RYR2: variants seen among roughly 807,000 people sequenced by gnomAD.
RYR2 encodes the protein ryanodine receptor 2.
In RYR2, 227 loss-of-function variants were observed where a neutral mutation model predicts 601.1. That is an observed-to-expected ratio of 0.38 (90% CI 0.34 to 0.42). The LOEUF (loss-of-function observed/expected upper bound fraction) is 0.42. RYR2 is among the 10% of genes least tolerant of loss of function. The probability of loss-of-function intolerance (pLI) is 1.00; values close to 1 mark genes in which losing one functional copy is unlikely to be tolerated. For synonymous variants in RYR2, 2,223 were observed against 2,175.1 expected, an observed-to-expected ratio of 1.02 and a Z score of -0.61; for missense variants, 4,646 against 6,156.5, an observed-to-expected ratio of 0.75 and a Z score of 8.21.
chr1:237,407,126 G>A (rs1703978323), intron 10 of RYR2, among the ~76,000 whole-genome samples: 1 of 152,082 alleles, frequency 6.6e-6, no homozygotes, highest in Non-Finnish European at 1.5e-5. Flanking sequence ...TTAGCAATCT[G>A]CATATATGGC....
At chr1:237,649,816 C>T in intron 49 of RYR2, 61 bp from the exon 50 acceptor site, 2 of 1,403,828 alleles carry the variant, frequency 1.4e-6, no homozygotes, top group Non-Finnish European at 2.0e-6. Flanking sequence ...CCATGTTAAT[C>T]CCTTTGAAGA....
Position 237,236,073 on chromosome 1 carries a change from C to T in RYR2, c.49-34424C>T, listed in dbSNP as rs116619576. Among the ~76,000 whole-genome samples the T allele has an allele frequency of 5.9e-3, 891 of 152,252 alleles. 8 individuals carry two copies. The highest frequency in any genetic ancestry group is 0.021 in the African/African-American group (860 of 41,562). ...AGTACGCAATCGTCCATGTATTTTT[C>T]AAAACAACAGTAACAATAGCAAAAT... On this transcript the variant is annotated intron_variant, in intron 1 of 104. Coordinates refer to ENST00000366574, the MANE Select transcript of RYR2 (RefSeq NM_001035.3).
chr1:237,228,685 A>G (rs1684657894), intron 1 of RYR2, among the ~76,000 whole-genome samples: 1 of 152,168 alleles, frequency 6.6e-6, no homozygotes, highest in African/African-American at 2.4e-5. Flanking sequence ...TTCCTTCTGT[A>G]TGACCTTGAG....
At chr1:237,384,369 C>T (rs905791823) in intron 8 of RYR2, among the ~76,000 whole-genome samples, 5 of 152,198 alleles carry the variant, frequency 3.3e-5, no homozygotes, top group African/African-American at 1.2e-4. Context: ...TGTCTGTGGA[C>T]CTATCAGTCA....
At chr1:237,394,869 C>T (rs538531313) in intron 10 of RYR2, among the ~76,000 whole-genome samples, 1 of 152,282 alleles carries the variant, frequency 6.6e-6, no homozygotes, top group African/African-American at 2.4e-5. Context: ...TCTGCAGGCT[C>T]TATAGGCTGG....
chr1:237,705,423 A>C (rs914413989), intron 67 of RYR2, 80 bp downstream of exon 67: 48 of 1,175,056 alleles, frequency 4.1e-5, no homozygotes, highest in Non-Finnish European at 5.0e-5. Flanking sequence ...AGTGATTTTT[A>C]ATGAGCTCTT....
chr1:237,798,707 T>C (rs1307378360), intron 97 of RYR2, among the ~76,000 whole-genome samples: 1 of 152,050 alleles, frequency 6.6e-6, no homozygotes, highest in Non-Finnish European at 1.5e-5. Flanking sequence ...TGAAACACTC[T>C]TTATATACTG....
intron 18 of RYR2, 113 bp from the exon 19 acceptor site, chr1:237,492,841 A>G (rs1572574221): frequency 2.0e-6 from 2 of 1,020,658 alleles, no homozygotes; most frequent in Non-Finnish European, 2.7e-6. Flanking sequence ...GGAAGGAAGG[A>G]AGGAAGGAAG....
At chr1:237,185,725 T>C (rs584790) in intron 1 of RYR2, among the ~76,000 whole-genome samples, 91,436 of 151,902 alleles carry the variant, frequency 0.6, 27,611 homozygotes, top group Non-Finnish European at 0.63. Flanking sequence ...ATGGCATTGA[T>C]CAGTGCTGTG....
intron 101 of RYR2, among the ~76,000 whole-genome samples, chr1:237,827,108 T>G (rs555528780): frequency 2.0e-5 from 3 of 152,198 alleles, no homozygotes; most frequent in Non-Finnish European, 4.4e-5. Flanking sequence ...CAAATGACAC[T>G]ATTTTTTAGT....
intron 13 of RYR2, 37 bp downstream of exon 13, chr1:237,441,520 A>C: frequency 7.0e-7 from 1 of 1,433,954 alleles, no homozygotes; most frequent in Non-Finnish European, 9.2e-7. Context: ...TATAGAAGTA[A>C]TTTTTTATGA....
chr1:237,786,175 G>A lies in RYR2; in HGVS notation c.13328+139G>A, dbSNP rs546471429. The A allele has an allele frequency of 5.1e-4, 325 of 633,284 alleles. 5 individuals carry two copies. The South Asian group carries it at 6.1e-3, about 12-fold the overall frequency. The allele number at this position is 633,284 out of a possible 1,614,324, so 39.2% of individuals were successfully genotyped here. A position where few individuals can be genotyped will look rare whatever the true frequency, so the allele number is the denominator to read the frequency against. Reference sequence around the variant, plus strand: ...CAGAACTAATTGTGCCATCTCCGTGGAGAGGCTCTGACAGCGAGGACCTCA... The same window carrying A: ...CAGAACTAATTGTGCCATCTCCGTGAAGAGGCTCTGACAGCGAGGACCTCA... On this transcript the variant is annotated intron_variant, in intron 91 of 104. Transcript: ENST00000366574.
At chr1:237,134,882 G>A (rs893451370) in intron 1 of RYR2, among the ~76,000 whole-genome samples, 2 of 152,162 alleles carry the variant, frequency 1.3e-5, no homozygotes, top group African/African-American at 2.4e-5. Context: ...CATAGATCAA[G>A]TAAGTGGCAG....
chr1:237,449,543 T>C (rs1332696826), intron 14 of RYR2, among the ~76,000 whole-genome samples: 1 of 152,176 alleles, frequency 6.6e-6, no homozygotes, highest in Non-Finnish European at 1.5e-5. Flanking sequence ...TATTTGCACA[T>C]GTAGTTATCA....
intron 1 of RYR2, among the ~76,000 whole-genome samples, chr1:237,104,749 G>C (rs925120465): frequency 1.3e-5 from 2 of 151,962 alleles, no homozygotes; most frequent in African/African-American, 2.4e-5. Context: ...TTCTCTCCCC[G>C]CCTAGACCCC....
chr1:237,611,083 C>G, intron 36 of RYR2, 95 bp downstream of exon 36: 1 of 979,562 alleles, frequency 1.0e-6, no homozygotes, highest in East Asian at 2.6e-5. Flanking sequence ...AGGGGTGGTT[C>G]TAAAGAAACA....
At chr1:237,778,983 T>C (rs539686860) in intron 88 of RYR2, among the ~76,000 whole-genome samples, 12 of 152,326 alleles carry the variant, frequency 7.9e-5, no homozygotes, top group African/African-American at 2.2e-4. Context: ...ACAGGAGTCA[T>C]TATTCAAATT....
At chr1:237,378,523 T>C (rs1701210926) in intron 8 of RYR2, among the ~76,000 whole-genome samples, 2 of 152,172 alleles carry the variant, frequency 1.3e-5, no homozygotes, top group East Asian at 3.9e-4. Flanking sequence ...ATATGAATAT[T>C]CACATGAAAA....
At chr1:237,512,949 T>C (rs1395929918) in intron 24 of RYR2, among the ~76,000 whole-genome samples, 1 of 152,166 alleles carries the variant, frequency 6.6e-6, no homozygotes, top group Non-Finnish European at 1.5e-5. Flanking sequence ...CAACGGCAAT[T>C]CACAGGCTGG....
Sources: allele counts gnomAD v4.1 joint callset (sites outside exome capture counted in the v4.1 genomes callset), GRCh38; gene constraint gnomAD v4.1.1; transcripts MANE v1.5; gene names NCBI Gene and HGNC (gene_info 2026-07-23, HGNC 2026-07-21).